GJC1: variants seen among roughly 807,000 people sequenced by gnomAD.
The protein encoded by GJC1 is gap junction gamma-1 protein.
GJC1 carries 5 observed loss-of-function variants against 29.3 expected under a neutral mutation model. That is an observed-to-expected ratio of 0.17 (90% CI 0.09 to 0.36). The LOEUF (loss-of-function observed/expected upper bound fraction) is 0.36, where lower values mean the gene tolerates loss of function less well. GJC1 is among the 10% of genes least tolerant of loss of function. The probability of loss-of-function intolerance (pLI) is 1.00; values close to 1 mark genes in which losing one functional copy is unlikely to be tolerated. For missense variants in GJC1, 310 were observed against 496.2 expected, an observed-to-expected ratio of 0.62 and a Z score of 3.56; for synonymous variants, 177 against 183.3, an observed-to-expected ratio of 0.97 and a Z score of 0.28.
Position 44,804,773 on chromosome 17 carries a change from A to G in GJC1, c.1045T>C (p.Leu349=). 1.2e-6 allele frequency: 2 copies of G among 1,614,158 alleles called. No individual in the cohort carries two copies. Among genetic ancestry groups the G allele is most frequent in the Non-Finnish European group, 1.7e-6 (2 of 1,180,030 alleles). The change falls in exon 3 of 3, where the codon TTG becomes CTG. Residue 349 remains leucine (L), a synonymous_variant. Transcript: ENST00000592524. ...QREIRMAQER[L]DLAVQAYSHQ... is the part of the protein sequence containing the mutation. ...CTGTAGGCCTGAACTGCCAGATCCAAGCGTTCCTGAGCCATCCTGATCTCC... is the reference window on the plus strand; with the variant it reads ...CTGTAGGCCTGAACTGCCAGATCCAGGCGTTCCTGAGCCATCCTGATCTCC...
chr17:44,795,573 T>C (rs1013300001), downstream of GJC1, among the ~76,000 whole-genome samples: 1 of 152,210 alleles, frequency 6.6e-6, no homozygotes, highest in Non-Finnish European at 1.5e-5. Flanking sequence ...AAAAGTTCCC[T>C]TGTCCCCTTG....
downstream of GJC1, among the ~76,000 whole-genome samples, chr17:44,795,319 C>T (rs1445465531): frequency 6.6e-6 from 1 of 152,192 alleles, no homozygotes; most frequent in African/African-American, 2.4e-5. Flanking sequence ...CCTCTGCCCT[C>T]CTGCCCCAGA....
intron 1 of GJC1, among the ~76,000 whole-genome samples, chr17:44,825,215 A>AAT (rs2050160387): frequency 6.7e-6 from 1 of 149,124 alleles, no homozygotes; most frequent in African/African-American, 2.5e-5. Context: ...AAAAAAAAAA[A>AAT]AAGGCTGGGC....
chr17:44,820,491 G>A (rs866658244), intron 1 of GJC1, among the ~76,000 whole-genome samples: 16 of 152,152 alleles, frequency 1.1e-4, no homozygotes, highest in South Asian at 2.1e-4. Flanking sequence ...GACAAATTAT[G>A]TGGAACTCAA....
At chr17:44,825,388 G>T (rs1348492563) in intron 1 of GJC1, among the ~76,000 whole-genome samples, 1 of 152,010 alleles carries the variant, frequency 6.6e-6, no homozygotes, top group Non-Finnish European at 1.5e-5. Flanking sequence ...TACTTGGGAG[G>T]CTGAGGCAAG....
chr17:44,813,484 CTTTTTTTTTTTT>C (rs35299072), intron 1 of GJC1, among the ~76,000 whole-genome samples: 4 of 80,536 alleles, frequency 5.0e-5, no homozygotes, highest in South Asian at 4.5e-4. Context: ...TTCCAAGTTA[CTTTTTTTTTTTT>C]TTTTTTTTTT....
chr17:44,813,484 CTTTTTTTTTTT>C (rs35299072), intron 1 of GJC1, among the ~76,000 whole-genome samples: 136 of 80,550 alleles, frequency 1.7e-3, no homozygotes, highest in African/African-American at 6.4e-3. Context: ...TTCCAAGTTA[CTTTTTTTTTTT>C]TTTTTTTTTT....
downstream of GJC1, among the ~76,000 whole-genome samples, chr17:44,796,887 A>T (rs966571870): frequency 6.6e-6 from 1 of 152,068 alleles, no homozygotes; most frequent in Non-Finnish European, 1.5e-5. Flanking sequence ...TTGCTCTGTC[A>T]TCCAGGGTGG....
intron 1 of GJC1, among the ~76,000 whole-genome samples, chr17:44,817,591 T>C (rs1414092678): frequency 2.0e-5 from 3 of 152,038 alleles, no homozygotes; most frequent in African/African-American, 7.2e-5. Flanking sequence ...ATGCCTGTAA[T>C]CCTAGTTACT....
chr17:44,818,209 G>C (rs755208533), intron 1 of GJC1, among the ~76,000 whole-genome samples: 4 of 151,832 alleles, frequency 2.6e-5, no homozygotes, highest in Non-Finnish European at 2.9e-5. Flanking sequence ...GCGAAACTCT[G>C]TCTCAAAAAA....
Position 44,805,812 on chromosome 17 carries a change from A to G in GJC1, c.6T>C (p.Ser2=). The change falls in exon 3 of 3, where the codon AGT becomes AGC. Residue 2 remains serine, a synonymous_variant. Transcript: ENST00000592524. The surrounding 1 kb of genome is among the most constrained non-coding windows in gnomAD (Gnocchi z 5.1). ...CTAGCAGGCGAGTCAGGAAGCTCCA[A>G]CTCATGGTGATTGAATTGGTATGCC... M[S]WSFLTRLLEE... is the part of the protein sequence containing the mutation. The G allele has an allele frequency of 3.8e-6, 6 of 1,597,160 alleles. No homozygotes were observed. Among genetic ancestry groups the G allele is most frequent in the Non-Finnish European group, 4.3e-6 (5 of 1,167,138 alleles).
intron 1 of GJC1, among the ~76,000 whole-genome samples, chr17:44,810,448 GTA>G (rs1567709418): frequency 6.6e-6 from 1 of 152,172 alleles, no homozygotes; most frequent in East Asian, 1.9e-4. Context: ...CCATTAGTAA[GTA>G]TTGTGTACTG....
chr17:44,797,554 T>C (rs1354026471), downstream of GJC1: 1 of 152,170 alleles, frequency 6.6e-6, no homozygotes, highest in South Asian at 2.1e-4. Flanking sequence ...GATACTGGAT[T>C]GTACAGACCT....
chr17:44,799,971 A>C lies in GJC1; in HGVS notation c.*4656T>G, dbSNP rs1320124264. Reference sequence around the variant, plus strand: ...GGGACAACAGCAAATACAAATCTTTAAACACTTCATGATGTGGCCGGAATG... The same window carrying C: ...GGGACAACAGCAAATACAAATCTTTCAACACTTCATGATGTGGCCGGAATG... On this transcript the variant is annotated 3_prime_UTR_variant, in exon 3 of 3. Coordinates refer to ENST00000592524, the MANE Select transcript of GJC1 (RefSeq NM_005497.4). The C allele has an allele frequency of 6.6e-6, 1 of 152,226 alleles. No individual in the cohort carries two copies. Among genetic ancestry groups the C allele is most frequent in the Non-Finnish European group, 1.5e-5 (1 of 68,034 alleles). The allele number at this position is 152,226 out of a possible 1,614,324, so 9.4% of individuals were successfully genotyped here.
chr17:44,810,207 G>C (rs2049961748), intron 1 of GJC1, among the ~76,000 whole-genome samples: 1 of 151,720 alleles, frequency 6.6e-6, no homozygotes, highest in Non-Finnish European at 1.5e-5. Flanking sequence ...ATGTTGGCCA[G>C]GCTGGTCTTG....
In GJC1 at chr17:44,804,783, A is replaced by C; in HGVS notation, c.1035T>G (p.Ala345=). The change falls in exon 3 of 3, where the codon GCT becomes GCG. Residue 345 remains alanine, a synonymous_variant. Transcript: ENST00000592524. ...LEALQREIRM[A]QERLDLAVQA... ...GAACTGCCAGATCCAAGCGTTCCTGAGCCATCCTGATCTCCCGCTGCAGAG... is the reference window on the plus strand; with the variant it reads ...GAACTGCCAGATCCAAGCGTTCCTGCGCCATCCTGATCTCCCGCTGCAGAG... The C allele has an allele frequency of 6.2e-7, 1 of 1,614,056 alleles. No homozygotes were observed. The highest frequency in any genetic ancestry group is 8.5e-7 in the Non-Finnish European group (1 of 1,180,012).
rs1163722259 is a variant in GJC1, at chr17:44,805,224, C to A, written c.594G>T (p.Leu198=). Residue 198 remains leucine (L), a synonymous_variant, in exon 3 of 3, where the codon CTG becomes CTT. Coordinates refer to ENST00000592524, the MANE Select transcript of GJC1 (RefSeq NM_005497.4). The surrounding 1 kb of genome is among the most constrained non-coding windows in gnomAD (Gnocchi z 5.1). ...EVGFLIGQYF[L]YGFQVHPFYV... ...AAAACGGGTGGACTTGGAAGCCATACAGAAAATACTGCCCTATCAGAAAAC... is the reference window on the plus strand; with the variant it reads ...AAAACGGGTGGACTTGGAAGCCATAAAGAAAATACTGCCCTATCAGAAAAC... The A allele has an allele frequency of 8.7e-6, 14 of 1,614,144 alleles. No individual in the cohort carries two copies. Among genetic ancestry groups the A allele is most frequent in the Middle Eastern group, 1.6e-4 (1 of 6,062 alleles).
intron 1 of GJC1, among the ~76,000 whole-genome samples, chr17:44,816,112 C>CAAAAAA (rs34938283): frequency 2.1e-5 from 1 of 47,438 alleles, no homozygotes; most frequent in Non-Finnish European, 3.5e-5. Flanking sequence ...CACTCCGTCT[C>CAAAAAA]AAAAAAAAAA....
intron 1 of GJC1, among the ~76,000 whole-genome samples, chr17:44,816,655 G>A (rs544037524): frequency 2.6e-5 from 4 of 151,944 alleles, no homozygotes; most frequent in African/African-American, 7.2e-5. Flanking sequence ...ACAGGCACTC[G>A]CCACCAGGCC....
Sources: allele counts gnomAD v4.1 joint callset (sites outside exome capture counted in the v4.1 genomes callset), GRCh38; gene constraint gnomAD v4.1.1; non-coding constraint Gnocchi (gnomAD v3.1); transcripts MANE v1.5; gene names NCBI Gene and HGNC (gene_info 2026-07-23, HGNC 2026-07-21).